Variants in DYNC2H1 observed in about 807,000 individuals in gnomAD.
DYNC2H1 encodes the protein cytoplasmic dynein 2 heavy chain 1.
A neutral mutation model predicts 570.0 loss-of-function variants in DYNC2H1; 410 were observed. The observed-to-expected ratio is 0.72, with a 90% CI of 0.66 to 0.78. The LOEUF is 0.78. Among genes scored for constraint, DYNC2H1 ranks in the 30% least tolerant of loss-of-function variants. The pLI, the probability that DYNC2H1 is intolerant of heterozygous loss-of-function variation, is 0.00. For synonymous variants in DYNC2H1, 1,688 were observed against 1,677.6 expected, an observed-to-expected ratio of 1.01 and a Z score of -0.15; for missense variants, 4,865 against 5,046.4, an observed-to-expected ratio of 0.96 and a Z score of 1.09.
intron 70 of DYNC2H1, among the ~76,000 whole-genome samples, chr11:103,260,509 A>AT (rs1409412308): frequency 1.3e-5 from 2 of 152,122 alleles, no homozygotes; most frequent in Non-Finnish European, 2.9e-5. Context: ...GAGTTATGAA[A>AT]TTTTTTACAG....
intron 84 of DYNC2H1, among the ~76,000 whole-genome samples, chr11:103,425,217 G>T: frequency 9.8e-6 from 1 of 102,476 alleles, no homozygotes; most frequent in South Asian, 4.1e-4. Context: ...GGGATTACAG[G>T]TGGCGCCACC....
chr11:103,413,491 A>T (rs1943167598), intron 84 of DYNC2H1, among the ~76,000 whole-genome samples: 4 of 152,190 alleles, frequency 2.6e-5, no homozygotes, highest in Admixed American at 2.6e-4. Flanking sequence ...AAAGAGTTAC[A>T]TCCTGGTAGA....
chr11:103,203,218 G>C lies in DYNC2H1; in HGVS notation c.8198-445G>C, dbSNP rs1451421573. ...GAATAGTATGTGAAAGAGAAAGAGT[G>C]TTTAATCAGCATATGGGCAGTCAAG... On this transcript the variant is annotated intron_variant, in intron 50 of 88. Coordinates refer to ENST00000375735, the MANE Select transcript of DYNC2H1 (RefSeq NM_001377.3). The surrounding 1 kb of genome is among the most constrained non-coding windows in gnomAD (Gnocchi z 4.7). 6.6e-6 allele frequency among the ~76,000 whole-genome samples: 1 copy of C among 152,192 alleles called. No individual in the cohort carries two copies. Among genetic ancestry groups the C allele is most frequent in the Non-Finnish European group, 1.5e-5 (1 of 68,030 alleles).
chr11:103,136,115 C>G (rs535794930), intron 17 of DYNC2H1, among the ~76,000 whole-genome samples, 167 bp downstream of exon 17: 1 of 151,462 alleles, frequency 6.6e-6, no homozygotes, highest in South Asian at 2.1e-4. Flanking sequence ...ATTTATACTT[C>G]AGAAGAGAAA....
At chr11:103,131,337 A>T (rs1859256634) in intron 13 of DYNC2H1, among the ~76,000 whole-genome samples, 1 of 152,048 alleles carries the variant, frequency 6.6e-6, no homozygotes, top group South Asian at 2.1e-4. Flanking sequence ...TCTGTCGCCC[A>T]GGCTGGAGTG....
intron 82 of DYNC2H1, among the ~76,000 whole-genome samples, chr11:103,347,819 G>T (rs796179312): frequency 6.6e-6 from 1 of 151,992 alleles, no homozygotes; most frequent in African/African-American, 2.4e-5. Context: ...GTTGAAAATG[G>T]CAACCACTTT....
intron 85 of DYNC2H1, among the ~76,000 whole-genome samples, chr11:103,453,811 GTA>G (rs1037588305): frequency 2.6e-5 from 4 of 151,596 alleles, no homozygotes; most frequent in Admixed American, 2.0e-4. Context: ...ATACAGTTAA[GTA>G]TAATTTGTTG....
At chr11:103,391,909 T>C (rs1942169510) in intron 83 of DYNC2H1, among the ~76,000 whole-genome samples, 1 of 151,936 alleles carries the variant, frequency 6.6e-6, no homozygotes, top group Non-Finnish European at 1.5e-5. Context: ...GTGCCCCTAC[T>C]GGGGGGTGCC....
chr11:103,392,328 G>A (rs552769215), intron 83 of DYNC2H1, among the ~76,000 whole-genome samples: 27 of 152,322 alleles, frequency 1.8e-4, no homozygotes, highest in Non-Finnish European at 2.6e-4. Context: ...CTGGTGTGCC[G>A]TTTGCTAAGA....
At chr11:103,468,753 T>G in intron 88 of DYNC2H1, 48 bp downstream of exon 88, 1 of 1,374,704 alleles carries the variant, frequency 7.3e-7, no homozygotes, top group Non-Finnish European at 1.0e-6. Flanking sequence ...CAGTTCTCTC[T>G]TAGATTTTAT....
rs1295260432 is a variant in DYNC2H1 at position 103,348,585 on chromosome 11, CAG to C, written c.12040-9657_12040-9656del. Among the ~76,000 whole-genome samples, 30 of 152,246 alleles carry C rather than the reference CAG, an allele frequency of 2.0e-4. No homozygotes were observed. In the East Asian group the frequency reaches 3.3e-3, roughly 17 times the overall value. On this transcript the variant is annotated intron_variant, in intron 82 of 88. Coordinates refer to ENST00000375735, the MANE Select transcript of DYNC2H1 (RefSeq NM_001377.3). ...TTTTCTTTATGGCTTCTTTCTCACT[CAG>C]TGTAATTATCATAAGATTCATCTGT...
At chr11:103,202,174 A>G (rs1445407819) in intron 50 of DYNC2H1, among the ~76,000 whole-genome samples, 2 of 152,110 alleles carry the variant, frequency 1.3e-5, no homozygotes, top group African/African-American at 4.8e-5. Flanking sequence ...AAGTAGTAGT[A>G]CTTGAGTGGA....
chr11:103,191,826 CATT>C (rs1206644483), intron 46 of DYNC2H1, among the ~76,000 whole-genome samples: 1 of 151,790 alleles, frequency 6.6e-6, no homozygotes, highest in East Asian at 1.9e-4. Flanking sequence ...AAAATGAAAT[CATT>C]ATATTTGAGG....
chr11:103,446,055 GTTGTTGTTGTTGTTT>G lies in DYNC2H1; in HGVS notation c.12457-9130_12457-9116del, dbSNP rs1944416611. Among the ~76,000 whole-genome samples, 1 of 151,964 alleles carries G rather than the reference GTTGTTGTTGTTGTTT, an allele frequency of 6.6e-6. No homozygotes were observed. The highest frequency in any genetic ancestry group is 1.5e-5 in the Non-Finnish European group (1 of 67,982). On this transcript the variant is annotated intron_variant, in intron 85 of 88. Coordinates refer to ENST00000375735, the MANE Select transcript of DYNC2H1 (RefSeq NM_001377.3). This position sits in a 1 kb window ranked among gnomAD's most constrained non-coding sequence, Gnocchi z 4.5. Reference sequence around the variant, plus strand: ...GCAGAGTTTTGTTGTTGTTGTTGTTGTTGTTGTTGTTGTTTAGGGAGGAGGGGAGTGGTCTTGCAA... The same window carrying G: ...GCAGAGTTTTGTTGTTGTTGTTGTTGAGGGAGGAGGGGAGTGGTCTTGCAA...
intron 22 of DYNC2H1, 45 bp downstream of exon 22, chr11:103,153,553 A>G: frequency 6.9e-7 from 1 of 1,444,004 alleles, no homozygotes; most frequent in South Asian, 1.3e-5. Flanking sequence ...TTGAAAAAAC[A>G]ATTTATATAT....
At chr11:103,438,453 G>T (rs12285099) in intron 85 of DYNC2H1, among the ~76,000 whole-genome samples, 4,581 of 152,110 alleles carry the variant, frequency 0.03, 225 homozygotes, top group African/African-American at 0.1. Flanking sequence ...TATTTGCAAG[G>T]ATCTGTGAAA....
intron 59 of DYNC2H1, among the ~76,000 whole-genome samples, chr11:103,224,347 C>A (rs1267469289): frequency 6.6e-6 from 1 of 152,082 alleles, no homozygotes; most frequent in Non-Finnish European, 1.5e-5. Flanking sequence ...TTTGGTGCAG[C>A]CATCATCTGA....
At chr11:103,257,510 T>G (rs1266921339) in intron 68 of DYNC2H1, 98 bp from the exon 69 acceptor site, 1 of 1,199,476 alleles carries the variant, frequency 8.3e-7, no homozygotes, top group African/African-American at 1.6e-5. Flanking sequence ...GTTTTTTTAT[T>G]ACTTGGGTAG....
At chr11:103,293,830 A>G (rs1056880005) in intron 75 of DYNC2H1, among the ~76,000 whole-genome samples, 1 of 152,066 alleles carries the variant, frequency 6.6e-6, no homozygotes, top group Non-Finnish European at 1.5e-5. Flanking sequence ...TAATCTCAGC[A>G]CTTTGGGAGG....
Sources: allele counts gnomAD v4.1 joint callset (sites outside exome capture counted in the v4.1 genomes callset), GRCh38; gene constraint gnomAD v4.1.1; non-coding constraint Gnocchi (gnomAD v3.1); transcripts MANE v1.5; gene names NCBI Gene and HGNC (gene_info 2026-07-23, HGNC 2026-07-21).